The following EVL variants were observed in gnomAD, a reference collection of about 807,000 sequenced individuals.
EVL encodes the protein ena/VASP-like protein.
EVL carries 21 observed loss-of-function variants against 59.6 expected under a neutral mutation model. The ratio of observed to expected loss-of-function variants is 0.35; its 90% confidence interval spans 0.25 to 0.51. The LOEUF is 0.51. Among genes scored for constraint, EVL ranks in the 20% least tolerant of loss-of-function variants. The probability of loss-of-function intolerance (pLI) is 0.97; values close to 1 mark genes in which losing one functional copy is unlikely to be tolerated. For missense variants in EVL, 462 were observed against 546.6 expected, an observed-to-expected ratio of 0.85 and a Z score of 1.54; for synonymous variants, 198 against 203.5, an observed-to-expected ratio of 0.97 and a Z score of 0.23.
At chr14:99,982,278 T>C (rs1374091602) in intron 1 of EVL, among the ~76,000 whole-genome samples, 1 of 152,214 alleles carries the variant, frequency 6.6e-6, no homozygotes, top group African/African-American at 2.4e-5. Flanking sequence ...AAATATTCTT[T>C]GAAAACAGCT....
chr14:100,124,795 T>C (rs868546971), intron 4 of EVL, among the ~76,000 whole-genome samples: 13 of 152,220 alleles, frequency 8.5e-5, no homozygotes, highest in African/African-American at 3.1e-4. Flanking sequence ...TGCTGAATTC[T>C]GTACCCCAGG....
intron 2 of EVL, among the ~76,000 whole-genome samples, chr14:100,088,526 C>T (rs984504098): frequency 6.6e-6 from 1 of 152,174 alleles, no homozygotes; most frequent in South Asian, 2.1e-4. Context: ...AGGCTACAAA[C>T]CCATACAGCA....
intron 1 of EVL, among the ~76,000 whole-genome samples, chr14:100,068,306 C>G (rs1283855467): frequency 6.6e-6 from 1 of 152,030 alleles, no homozygotes; most frequent in Non-Finnish European, 1.5e-5. Flanking sequence ...GAGGCTGGAG[C>G]AACATGAAGA....
At chr14:100,019,956 GC>G (rs1168834614) in intron 1 of EVL, among the ~76,000 whole-genome samples, 9 of 152,316 alleles carry the variant, frequency 5.9e-5, no homozygotes, top group African/African-American at 2.2e-4. Context: ...CCTTATTTGA[GC>G]TGCTGTTGCT....
At chr14:100,076,094 G>T (rs192611106) in intron 1 of EVL, among the ~76,000 whole-genome samples, 4 of 152,336 alleles carry the variant, frequency 2.6e-5, no homozygotes, top group Admixed American at 2.0e-4. Flanking sequence ...CTGGATGTAG[G>T]AAAAAGAAAT....
chr14:100,026,071 C>T (rs972595471), intron 1 of EVL, among the ~76,000 whole-genome samples: 1 of 151,744 alleles, frequency 6.6e-6, no homozygotes, highest in Non-Finnish European at 1.5e-5. Context: ...GGTAACATGG[C>T]GAAACCCCAC....
At chr14:100,045,306 A>AG in intron 1 of EVL, among the ~76,000 whole-genome samples, 1 of 152,316 alleles carries the variant, frequency 6.6e-6, no homozygotes, top group South Asian at 2.1e-4. Flanking sequence ...GAGTAATCCA[A>AG]GGGCCCTCCT....
At chr14:100,012,363 G>A (rs568702845) in intron 1 of EVL, among the ~76,000 whole-genome samples, 25 of 152,262 alleles carry the variant, frequency 1.6e-4, no homozygotes, top group African/African-American at 5.8e-4. Flanking sequence ...CACATGGCAG[G>A]TGCTCAGTAT....
intron 1 of EVL, among the ~76,000 whole-genome samples, chr14:100,069,969 G>A (rs946457944): frequency 1.3e-5 from 2 of 150,472 alleles, no homozygotes; most frequent in African/African-American, 4.9e-5. Flanking sequence ...GCTCACTCCT[G>A]TAATCCCAAC....
intron 1 of EVL, among the ~76,000 whole-genome samples, chr14:100,042,424 A>G (rs1162214834): frequency 1.3e-5 from 2 of 152,228 alleles, no homozygotes; most frequent in Non-Finnish European, 2.9e-5. Flanking sequence ...TTTGCTCTGT[A>G]TTAGATTTGC....
In EVL at chr14:100,109,559, G is replaced by T. The variant is rs762117469; in HGVS notation, c.358+11901G>T. The T allele has an allele frequency of 4.2e-6, 2 of 475,050 alleles. No homozygotes were observed. The highest frequency in any genetic ancestry group is 8.8e-6 in the Non-Finnish European group (2 of 228,384). The allele number at this position is 475,050 out of a possible 1,614,324, so 29.4% of individuals were successfully genotyped here. ...TCCCAGCTTGCGCCCATGTCATATT[G>T]TGTGCCTCTCATAGCCTGGCACTTC... is the stretch of plus-strand genomic sequence containing the variant. On this transcript the variant is annotated intron_variant, in intron 3 of 13. Transcript: ENST00000392920. The surrounding 1 kb of genome is among the most constrained non-coding windows in gnomAD (Gnocchi z 4.3).
At chr14:100,013,008 T>C (rs2061026391) in intron 1 of EVL, among the ~76,000 whole-genome samples, 1 of 152,264 alleles carries the variant, frequency 6.6e-6, no homozygotes, top group African/African-American at 2.4e-5. Flanking sequence ...CCAAGCATGC[T>C]GTTATTACTT....
Position 100,143,975 on chromosome 14 carries a change from A to ATATT in EVL, c.*239_*242dup. On this transcript the variant is annotated 3_prime_UTR_variant, in exon 14 of 14. Coordinates refer to ENST00000392920, the MANE Select transcript of EVL (RefSeq NM_016337.3). ...GGTCTGCTCGTCTTTTTTGTGTTTTATATTTGCTTATTTAAGGTACATTTC... is the reference window on the plus strand; with the variant it reads ...GGTCTGCTCGTCTTTTTTGTGTTTTATATTTATTTGCTTATTTAAGGTACATTTC... 3 of 536,552 alleles carry ATATT rather than the reference A, an allele frequency of 5.6e-6. No individual in the cohort carries two copies. Among genetic ancestry groups the ATATT allele is most frequent in the Non-Finnish European group, 9.9e-6 (3 of 303,664 alleles). The allele number at this position is 536,552 out of a possible 1,614,324, so 33.2% of individuals were successfully genotyped here.
At chr14:100,098,243 G>C (rs770678731) in intron 3 of EVL, among the ~76,000 whole-genome samples, 1 of 152,206 alleles carries the variant, frequency 6.6e-6, no homozygotes, top group Non-Finnish European at 1.5e-5. Context: ...CTGCCCTTCA[G>C]AGCCGCCAAG....
chr14:100,075,389 C>T (rs1185619446), intron 1 of EVL, among the ~76,000 whole-genome samples: 1 of 152,244 alleles, frequency 6.6e-6, no homozygotes. Context: ...GTTCTCAGCC[C>T]AGCTTTTAAG....
intron 1 of EVL, among the ~76,000 whole-genome samples, chr14:99,998,674 A>G (rs1208996108): frequency 2.0e-5 from 3 of 152,204 alleles, no homozygotes; most frequent in Admixed American, 6.5e-5. Context: ...ACATGATTCC[A>G]AATTTTTTTT....
intron 1 of EVL, among the ~76,000 whole-genome samples, chr14:99,973,756 A>G (rs958846201): frequency 6.6e-6 from 1 of 152,320 alleles, no homozygotes; most frequent in East Asian, 1.9e-4. Flanking sequence ...AGCCACCGAA[A>G]ATAGTTTCCT....
At chr14:100,054,139 C>G (rs1265464462) in intron 1 of EVL, among the ~76,000 whole-genome samples, 1 of 136,194 alleles carries the variant, frequency 7.3e-6, no homozygotes, top group African/African-American at 2.7e-5. Context: ...ACCGCAACAT[C>G]TGCCTCCCAG....
At chr14:100,011,443 C>G (rs1239199421) in intron 1 of EVL, among the ~76,000 whole-genome samples, 1 of 152,136 alleles carries the variant, frequency 6.6e-6, no homozygotes, top group Admixed American at 6.5e-5. Flanking sequence ...ATTATGGTTT[C>G]ATTGCTCTGA....
Sources: gnomAD v4.1 joint callset for allele counts (sites outside exome capture counted in the v4.1 genomes callset) on GRCh38, gnomAD v4.1.1 for gene constraint, Gnocchi (gnomAD v3.1) non-coding constraint, MANE v1.5 for transcripts, NCBI Gene and HGNC (gene_info 2026-07-23, HGNC 2026-07-21) for gene names.